Variants in DISC1 observed in about 807,000 individuals in gnomAD.
DISC1 encodes the protein disrupted in schizophrenia 1 protein.
Under a neutral mutation model 84.5 loss-of-function variants are expected in DISC1, and 57 were observed. The ratio of observed to expected loss-of-function variants is 0.67; its 90% CI spans 0.55 to 0.84. The LOEUF (loss-of-function observed/expected upper bound fraction) is 0.84, where lower values mean the gene tolerates loss of function less well. Ranked by LOEUF, DISC1 falls within the 40% of genes least tolerant of loss-of-function variation. The pLI is 0.00. For synonymous variants in DISC1, 411 were observed against 415.2 expected, an observed-to-expected ratio of 0.99 and a Z score of 0.12; for missense variants, 1,000 against 1,057.8, an observed-to-expected ratio of 0.95 and a Z score of 0.76.
intron 9 of DISC1, among the ~76,000 whole-genome samples, chr1:231,936,871 G>A (rs1390412139): frequency 1.3e-5 from 2 of 152,158 alleles, no homozygotes; most frequent in Non-Finnish European, 2.9e-5. Flanking sequence ...TTCCAAGGTA[G>A]CAACAAAGGC....
At chr1:231,955,971 CA>C (rs1659427751) in intron 9 of DISC1, among the ~76,000 whole-genome samples, 1 of 152,158 alleles carries the variant, frequency 6.6e-6, no homozygotes, top group Non-Finnish European at 1.5e-5. Context: ...GAGAAAACAG[CA>C]GAAGCAGAAA....
Position 231,950,204 on chromosome 1 carries a change from CTGTGTGTGTGTG to C in DISC1, c.1982-8591_1982-8580del, listed in dbSNP as rs59801477. Among the ~76,000 whole-genome samples, 1,150 of 139,522 alleles carry C rather than the reference CTGTGTGTGTGTG, an allele frequency of 8.2e-3. 10 individuals are homozygous for C. The highest frequency in any genetic ancestry group is 0.016 in the African/African-American group (611 of 37,776). 91.5% of individuals were successfully genotyped at this position (139,522 alleles called of 152,430 possible). A position where few individuals can be genotyped will look rare whatever the true frequency, so the allele number is the denominator to read the frequency against. ...CTATAAAAAAGAATGAAAAAAAATT[CTGTGTGTGTGTG>C]TGTGTGTGTGTGTGTGTGTGTGTGT... On this transcript the variant is annotated intron_variant, in intron 9 of 12. Transcript: ENST00000439617.
At chr1:231,869,788 C>T (rs1432510960) in intron 9 of DISC1, among the ~76,000 whole-genome samples, 6 of 152,018 alleles carry the variant, frequency 3.9e-5, no homozygotes, top group African/African-American at 1.4e-4. Flanking sequence ...TTGGAGGGGC[C>T]AAGTATCTAA....
At chr1:231,706,384 G>A (rs1461479312) in intron 3 of DISC1, among the ~76,000 whole-genome samples, 1 of 152,156 alleles carries the variant, frequency 6.6e-6, no homozygotes, top group African/African-American at 2.4e-5. Flanking sequence ...GTGGGCGTGG[G>A]CAACAAGTTT....
intron 1 of DISC1, among the ~76,000 whole-genome samples, chr1:231,691,556 A>G (rs906920165): frequency 3.3e-5 from 5 of 152,270 alleles, no homozygotes; most frequent in Non-Finnish European, 7.3e-5. Context: ...TTTTAACTTC[A>G]GAAGGGTTAT....
intron 1 of DISC1, among the ~76,000 whole-genome samples, chr1:231,691,883 C>T (rs997414042): frequency 3.9e-5 from 6 of 152,228 alleles, no homozygotes; most frequent in Non-Finnish European, 8.8e-5. Flanking sequence ...GGGAGCCTCA[C>T]ATCCTCGGAT....
chr1:231,670,603 A>G (rs2062519310), intron 1 of DISC1: 1 of 152,184 alleles, frequency 6.6e-6, no homozygotes, highest in African/African-American at 2.4e-5. Context: ...ATTTTATGTC[A>G]CTGTTATAAC....
intron 6 of DISC1, among the ~76,000 whole-genome samples, chr1:231,780,675 A>G (rs1304884649): frequency 9.3e-6 from 1 of 108,024 alleles, no homozygotes; most frequent in Non-Finnish European, 1.9e-5. Context: ...TACCCAAAGG[A>G]CTATAAATCA....
At chr1:231,960,487 C>A (rs944421000) in intron 10 of DISC1, among the ~76,000 whole-genome samples, 1 of 152,102 alleles carries the variant, frequency 6.6e-6, no homozygotes, top group Admixed American at 6.6e-5. Context: ...TCCTGACCTC[C>A]GGTGATCCAC....
At chr1:231,999,840 C>T (rs1481590479) in intron 10 of DISC1, among the ~76,000 whole-genome samples, 3 of 151,832 alleles carry the variant, frequency 2.0e-5, no homozygotes, top group Non-Finnish European at 2.9e-5. Context: ...ACAACAACAA[C>T]AACAACAAAA....
intron 6 of DISC1, among the ~76,000 whole-genome samples, chr1:231,771,992 T>C (rs1402313059): frequency 6.6e-6 from 1 of 151,920 alleles, no homozygotes; most frequent in Non-Finnish European, 1.5e-5. Context: ...TTTTAAGTTT[T>C]TTGCAGAAAT....
chr1:232,026,876 G>C (rs1572683191), intron 12 of DISC1, among the ~76,000 whole-genome samples: 1 of 149,404 alleles, frequency 6.7e-6, no homozygotes, highest in East Asian at 2.0e-4. Context: ...AGCCTCCTGA[G>C]TAGCTGGGAT....
chr1:231,960,515 G>A (rs1341031225), intron 10 of DISC1, among the ~76,000 whole-genome samples: 1 of 152,174 alleles, frequency 6.6e-6, no homozygotes, highest in Non-Finnish European at 1.5e-5. Flanking sequence ...GCCTCCCAAA[G>A]TGCTGGGATT....
At chr1:231,834,081 G>C (rs1003614758) in intron 9 of DISC1, among the ~76,000 whole-genome samples, 2 of 152,074 alleles carry the variant, frequency 1.3e-5, no homozygotes, top group African/African-American at 4.8e-5. Context: ...ATCTGATTTG[G>C]GATAAAGAAA....
intron 9 of DISC1, among the ~76,000 whole-genome samples, chr1:231,910,688 G>A (rs549284985): frequency 6.6e-6 from 1 of 152,298 alleles, no homozygotes; most frequent in South Asian, 2.1e-4. Flanking sequence ...ATGTGTATTA[G>A]GTCTGCTTGG....
intron 1 of DISC1, among the ~76,000 whole-genome samples, chr1:231,652,843 G>A (rs1487538173): frequency 6.6e-6 from 1 of 152,218 alleles, no homozygotes; most frequent in African/African-American, 2.4e-5. Context: ...GCAGTGGCAC[G>A]ATTTTGGCTC....
intron 9 of DISC1, among the ~76,000 whole-genome samples, chr1:231,934,978 G>A (rs1248549309): frequency 1.3e-5 from 2 of 152,232 alleles, no homozygotes; most frequent in Non-Finnish European, 1.5e-5. Context: ...ATTAACTTGT[G>A]GTTGGGACTG....
chr1:231,789,166 C>G (rs2078122900), intron 6 of DISC1, among the ~76,000 whole-genome samples: 1 of 152,116 alleles, frequency 6.6e-6, no homozygotes, highest in Admixed American at 6.5e-5. Flanking sequence ...ATGGAGTAGT[C>G]AGGCCAGCCT....
intron 2 of DISC1, among the ~76,000 whole-genome samples, chr1:231,700,370 T>C (rs2066262482): frequency 6.6e-6 from 1 of 152,246 alleles, no homozygotes; most frequent in Non-Finnish European, 1.5e-5. Context: ...TTTTTTATGA[T>C]GTTTTTCGTC....
Sources: allele counts gnomAD v4.1 joint callset (sites outside exome capture counted in the v4.1 genomes callset), GRCh38; gene constraint gnomAD v4.1.1; transcripts MANE v1.5; gene names NCBI Gene and HGNC (gene_info 2026-07-23, HGNC 2026-07-21).